The following CMYA5 variants were observed in gnomAD, a reference collection of about 807,000 sequenced individuals.
CMYA5 encodes cardiomyopathy-associated protein 5.
In CMYA5, 246 loss-of-function variants were observed where a neutral mutation model predicts 318.9. That is an observed-to-expected ratio of 0.77 (90% confidence interval 0.70 to 0.86). The LOEUF (loss-of-function observed/expected upper bound fraction) is 0.86. CMYA5 is among the 40% of genes least tolerant of loss of function. CMYA5 has a pLI of 0.00. For missense variants in CMYA5, 4,589 were observed against 4,678.2 expected, an observed-to-expected ratio of 0.98 and a Z score of 0.56; for synonymous variants, 1,641 against 1,729.5, an observed-to-expected ratio of 0.95 and a Z score of 1.27.
intron 12 of CMYA5, among the ~76,000 whole-genome samples, chr5:79,794,840 A>T (rs1186845766): frequency 1.3e-5 from 2 of 152,174 alleles, no homozygotes; most frequent in Non-Finnish European, 2.9e-5. Context: ...TCATAAGGAC[A>T]CCATCTCCAA....
Position 79,741,829 on chromosome 5 carries a change from T to C in CMYA5, c.10639-1998T>C, listed in dbSNP as rs934528830. On this transcript the variant is annotated intron_variant, in intron 2 of 12. Coordinates refer to ENST00000446378, the MANE Select transcript of CMYA5 (RefSeq NM_153610.5). ...AACAAATTTTATAAGTAGAGAGATA[T>C]GATGTCTCCTGCCTTAAAATCATTT... Among the ~76,000 whole-genome samples the C allele has an allele frequency of 5.3e-5, 8 of 152,338 alleles. No homozygotes were observed. In the South Asian group the frequency reaches 1.5e-3, roughly 28 times the overall value.
rs765280412 is a variant in CMYA5, at chr5:79,732,350, A to G, written c.3585A>G (p.Ala1195=). 1.9e-6 allele frequency: 3 copies of G among 1,613,772 alleles called. No individual in the cohort carries two copies. In the South Asian group the frequency reaches 3.3e-5, roughly 18 times the overall value. ...EPTAALTLKA[A]DEQMALSKVR... is the part of the protein sequence containing the mutation. Reference sequence around the variant, plus strand: ...CAGCAGCACTCACTCTAAAAGCTGCAGATGAACAGATGGCTTTGTCAAAAG... The same window carrying G: ...CAGCAGCACTCACTCTAAAAGCTGCGGATGAACAGATGGCTTTGTCAAAAG... Residue 1195 remains alanine, a synonymous_variant, in exon 2 of 13, where the codon GCA becomes GCG. Coordinates refer to ENST00000446378, the MANE Select transcript of CMYA5 (RefSeq NM_153610.5).
intron 9 of CMYA5, among the ~76,000 whole-genome samples, chr5:79,767,788 G>C (rs1211895588): frequency 6.6e-6 from 1 of 152,152 alleles, no homozygotes; most frequent in Non-Finnish European, 1.5e-5. Context: ...TGTTGATTTG[G>C]GGTGGAGAGT....
chr5:79,791,973 G>C (rs960813243), intron 11 of CMYA5, among the ~76,000 whole-genome samples: 4 of 152,062 alleles, frequency 2.6e-5, no homozygotes, highest in South Asian at 2.1e-4. Context: ...GGAAACACAG[G>C]CTGCTGATGG....
chr5:79,723,332 G>C (rs147500202), intron 1 of CMYA5, among the ~76,000 whole-genome samples: 3,682 of 151,950 alleles, frequency 0.024, 65 homozygotes, highest in Non-Finnish European at 0.036. Context: ...CCAGCTACTC[G>C]GGAGGCTGAG....
chr5:79,717,796 T>G (rs1376220628), intron 1 of CMYA5, among the ~76,000 whole-genome samples: 1 of 152,160 alleles, frequency 6.6e-6, no homozygotes, highest in Non-Finnish European at 1.5e-5. Context: ...ACGGCATAAT[T>G]ATGCTGTGTA....
intron 1 of CMYA5, among the ~76,000 whole-genome samples, chr5:79,726,717 T>G (rs1217012284): frequency 6.6e-6 from 1 of 152,016 alleles, no homozygotes; most frequent in Non-Finnish European, 1.5e-5. Context: ...GAGACCAGGA[T>G]CTCAGGACAG....
chr5:79,733,658 G>A lies in CMYA5; in HGVS notation c.4893G>A (p.Pro1631=), dbSNP rs373921567. 111 of 1,613,890 alleles carry A rather than the reference G, an allele frequency of 6.9e-5. No homozygotes were observed. The Middle Eastern group carries it at 9.9e-4, about 14-fold the overall frequency. Residue 1631 remains proline (P), a synonymous_variant, in exon 2 of 13, where the codon CCG becomes CCA. Coordinates refer to ENST00000446378, the MANE Select transcript of CMYA5 (RefSeq NM_153610.5). The stretch of plus-strand genomic sequence containing the variant: ...AGAAGAAAGACAAGCCACACCAACC[G>A]TTGGAATTACCAAATGCTGGGTCAG... ...EPEKKDKPHQ[P]LELPNAGSEF...
intron 1 of CMYA5, among the ~76,000 whole-genome samples, chr5:79,726,845 T>G (rs1016591574): frequency 6.6e-6 from 1 of 151,358 alleles, no homozygotes; most frequent in Non-Finnish European, 1.5e-5. Context: ...CCAGGAAGGG[T>G]TTGCAGTGAG....
intron 1 of CMYA5, among the ~76,000 whole-genome samples, chr5:79,709,454 G>C (rs13163359): frequency 0.17 from 25,390 of 152,116 alleles, 2,616 homozygotes; most frequent in East Asian, 0.36. Context: ...GAACTGCAGT[G>C]ATCAGTGATC....
At chr5:79,747,144 A>G in intron 5 of CMYA5, 31 bp downstream of exon 5, 1 of 1,532,800 alleles carries the variant, frequency 6.5e-7, no homozygotes, top group Non-Finnish European at 8.8e-7. Context: ...TGTAGTGGCA[A>G]ACAGCATGAC....
Position 79,733,132 on chromosome 5 carries a change from A to T in CMYA5, c.4367A>T (p.Glu1456Val). Residue 1456 changes from glutamate (E) to valine (V), a missense_variant, in exon 2 of 13, where the codon GAG becomes GTG. By Grantham distance (121) the Glu-to-Val change is moderately radical (BLOSUM62 -2). This residue lies in a region of CMYA5 where 2,132 missense variants were observed against 2,131.3 expected (regional missense o/e 1.00). Coordinates refer to ENST00000446378, the MANE Select transcript of CMYA5 (RefSeq NM_153610.5). ...CTTCCAAGTGTCTCCTCTATAGCAG[A>T]GCATTCTGTTTTGTCAGAAGTAGAA... Reference protein sequence around the residue: ...DSLPSVSSIAEHSVLSEVEAK... With the variant: ...DSLPSVSSIAVHSVLSEVEAK... 2 of 1,613,834 alleles carry T rather than the reference A, an allele frequency of 1.2e-6. No homozygotes were observed. Among genetic ancestry groups the T allele is most frequent in the Non-Finnish European group, 1.7e-6 (2 of 1,179,836 alleles).
intron 6 of CMYA5, 31 bp downstream of exon 6, chr5:79,752,825 T>C: frequency 6.7e-7 from 1 of 1,486,628 alleles, no homozygotes; most frequent in South Asian, 1.1e-5. Context: ...ATTACCTAGA[T>C]GAAATATGGC....
rs764566428 is a variant in CMYA5, at chr5:79,731,210, A to G, written c.2445A>G (p.Ile815Met). Residue 815 changes from isoleucine (I) to methionine (M), a missense_variant, in exon 2 of 13, where the codon ATA (isoleucine) becomes ATG (methionine). Coordinates refer to ENST00000446378, the MANE Select transcript of CMYA5 (RefSeq NM_153610.5). ...LNATQESQKK[I>M]INEASQFKPK... ...CAACACAGGAATCTCAAAAGAAAAT[A>G]ATCAATGAGGCATCCCAATTCAAAC... 2 of 1,614,040 alleles carry G rather than the reference A, an allele frequency of 1.2e-6. No homozygotes were observed. Among genetic ancestry groups the G allele is most frequent in the Non-Finnish European group, 1.7e-6 (2 of 1,179,890 alleles).
intron 12 of CMYA5, 143 bp from the exon 13 acceptor site, chr5:79,799,227 G>GA (rs3833643): frequency 0.19 from 146,423 of 756,806 alleles, 15,153 homozygotes; most frequent in African/African-American, 0.27. Context: ...GAAATCTAGT[G>GA]AAGTATTTGG....
Position 79,774,449 on chromosome 5 carries a change from C to T in CMYA5, c.11555+11240C>T, listed in dbSNP as rs752738817. 1.8e-3 allele frequency: 268 copies of T among 152,300 alleles called. 4 individuals are homozygous for T. The highest frequency in any genetic ancestry group is 1.1e-3 in the Non-Finnish European group (73 of 68,150). 9.4% of individuals were successfully genotyped at this position (152,300 alleles called of 1,614,324 possible). A position where few individuals can be genotyped will look rare whatever the true frequency, so the allele number is the denominator to read the frequency against. On this transcript the variant is annotated intron_variant, in intron 9 of 12. Coordinates refer to ENST00000446378, the MANE Select transcript of CMYA5 (RefSeq NM_153610.5). ...TGTTTCCTCAGCTGTTCTGTCTCTC[C>T]TGTGTGGAGAGAAGTCAGAAGAAGT...
chr5:79,731,619 G>A lies in CMYA5; in HGVS notation c.2854G>A (p.Val952Met). The change falls in exon 2 of 13, where the codon GTG becomes ATG. Residue 952 changes from valine to methionine, a missense_variant. Transcript: ENST00000446378. ...ACCTTTTTCTCCAGATTCTGCATTT[G>A]TGTCAGAATTCTCATTTCCACCGTA... The part of the protein sequence containing the change: ...IGPFSPDSAF[V>M]SEFSFPPYAT... The A allele has an allele frequency of 6.2e-7, 1 of 1,613,824 alleles. No individual in the cohort carries two copies. Among genetic ancestry groups the A allele is most frequent in the Non-Finnish European group, 8.5e-7 (1 of 1,179,830 alleles).
At chr5:79,720,714 G>A (rs1233626875) in intron 1 of CMYA5, among the ~76,000 whole-genome samples, 1 of 152,120 alleles carries the variant, frequency 6.6e-6, no homozygotes, top group African/African-American at 2.4e-5. Context: ...GGGATTACAG[G>A]CGTGAGCCAC....
At position 79,799,871 on chromosome 5, in the gene CMYA5, A is replaced by ACGGTGACC; in HGVS notation, c.*255_*256insCGGTGACC. The ACGGTGACC allele has an allele frequency of 5.4e-6, 1 of 186,868 alleles. No individual in the cohort carries two copies. Among genetic ancestry groups the ACGGTGACC allele is most frequent in the Non-Finnish European group, 1.0e-5 (1 of 96,372 alleles). 11.6% of individuals were successfully genotyped at this position (186,868 alleles called of 1,614,324 possible). A position where few individuals can be genotyped will look rare whatever the true frequency, so the allele number is the denominator to read the frequency against. ...ATAAGTTTGAGTTCTTTCCTAAATT[A>ACGGTGACC]AAAGATCTACACTTGAGTTGGGAAC... On this transcript the variant is annotated 3_prime_UTR_variant, in exon 13 of 13. Coordinates refer to ENST00000446378, the MANE Select transcript of CMYA5 (RefSeq NM_153610.5).
Sources: allele counts gnomAD v4.1 joint callset (sites outside exome capture counted in the v4.1 genomes callset), GRCh38; gene constraint gnomAD v4.1.1; regional missense constraint gnomAD v4.1.1; transcripts MANE v1.5; gene names NCBI Gene and HGNC (gene_info 2026-07-23, HGNC 2026-07-21).